WIPF3: variants seen among roughly 807,000 people sequenced by gnomAD.
WIPF3 encodes the protein WAS/WASL interacting protein family member 3, also known as WAS/WASL-interacting protein family member 3.
WIPF3 carries 33 observed loss-of-function variants against 38.9 expected under a neutral mutation model. That is an observed-to-expected ratio of 0.85 (90% confidence interval 0.64 to 1.14). WIPF3 has a LOEUF of 1.14. WIPF3 is among the 50% of genes most tolerant of loss of function. The pLI is 0.00. For missense variants in WIPF3, 711 were observed against 652.5 expected, an observed-to-expected ratio of 1.09 and a Z score of -0.98; for synonymous variants, 324 against 269.3, an observed-to-expected ratio of 1.20 and a Z score of -1.99.
At chr7:29,817,585 C>G (rs557434160) in intron 1 of WIPF3, among the ~76,000 whole-genome samples, 1 of 152,118 alleles carries the variant, frequency 6.6e-6, no homozygotes, top group African/African-American at 2.4e-5. Context: ...TTACTCAATA[C>G]TTTTTGTTGA....
intron 7 of WIPF3, among the ~76,000 whole-genome samples, chr7:29,900,508 G>A (rs147791975): frequency 7.3e-4 from 111 of 152,272 alleles, no homozygotes; most frequent in African/African-American, 2.6e-3. Flanking sequence ...AGGAGAGGAG[G>A]TTGAGGAAGG....
intron 1 of WIPF3, among the ~76,000 whole-genome samples, chr7:29,816,431 AG>A (rs1784459453): frequency 6.6e-6 from 1 of 152,280 alleles, no homozygotes; most frequent in African/African-American, 2.4e-5. Flanking sequence ...CCTGAGCTCA[AG>A]CCTCAGCCTC....
At chr7:29,831,093 G>A (rs1313478697) in intron 1 of WIPF3, among the ~76,000 whole-genome samples, 2 of 152,246 alleles carry the variant, frequency 1.3e-5, no homozygotes, top group Middle Eastern at 3.4e-3. Context: ...CTATAAACAA[G>A]TGCTCCTCTC....
At chr7:29,891,747 G>A (rs1171560515) in intron 7 of WIPF3, among the ~76,000 whole-genome samples, 1 of 152,192 alleles carries the variant, frequency 6.6e-6, no homozygotes, top group African/African-American at 2.4e-5. Flanking sequence ...CCACCCTCCT[G>A]AGATAGATGA....
At chr7:29,882,500 T>C (rs1348857297) in intron 4 of WIPF3, among the ~76,000 whole-genome samples, 6 of 152,232 alleles carry the variant, frequency 3.9e-5, no homozygotes, top group African/African-American at 1.4e-4. Flanking sequence ...TGTCACATTA[T>C]AGCCAGAGGG....
At chr7:29,833,542 AAAG>A (rs1784754768) in intron 1 of WIPF3, among the ~76,000 whole-genome samples, 1 of 152,252 alleles carries the variant, frequency 6.6e-6, no homozygotes, top group Non-Finnish European at 1.5e-5. Context: ...AAAAAGATAA[AAAG>A]AACTAACATA....
chr7:29,868,129 G>GA (rs1299170396), intron 2 of WIPF3, among the ~76,000 whole-genome samples: 1 of 152,192 alleles, frequency 6.6e-6, no homozygotes, highest in African/African-American at 2.4e-5. Flanking sequence ...TGAGAAAGTG[G>GA]AAAAAATACA....
chr7:29,851,776 C>A (rs1357116021), intron 2 of WIPF3, among the ~76,000 whole-genome samples: 1 of 152,236 alleles, frequency 6.6e-6, no homozygotes, highest in Non-Finnish European at 1.5e-5. Flanking sequence ...TCTTTCACAT[C>A]TGCCTCATCA....
At position 29,844,203 on chromosome 7, in the gene WIPF3, G is replaced by A. The variant is rs1211421808; in HGVS notation, c.90+9389G>A. 2.6e-5 allele frequency among the ~76,000 whole-genome samples: 4 copies of A among 152,184 alleles called. No individual in the cohort carries two copies. The highest frequency in any genetic ancestry group is 1.3e-4 in the Admixed American group (2 of 15,288). ...TCACTGGGTATCTGGGGTGGAAAAGGGTTGGGTGATTTTTATTTTCTTTTT... is the reference window on the plus strand; with the variant it reads ...TCACTGGGTATCTGGGGTGGAAAAGAGTTGGGTGATTTTTATTTTCTTTTT... On this transcript the variant is annotated intron_variant, in intron 2 of 8. Transcript: ENST00000242140. The surrounding 1 kb of genome is among the most constrained non-coding windows in gnomAD (Gnocchi z 4.8).
intron 1 of WIPF3, among the ~76,000 whole-genome samples, chr7:29,829,508 C>T (rs900651255): frequency 6.6e-6 from 1 of 152,090 alleles, no homozygotes; most frequent in African/African-American, 2.4e-5. Flanking sequence ...CGTGAGCCAC[C>T]GTGCCTGAAT....
chr7:29,866,506 AG>A (rs1180186806), intron 2 of WIPF3, among the ~76,000 whole-genome samples: 1 of 152,186 alleles, frequency 6.6e-6, no homozygotes, highest in African/African-American at 2.4e-5. Context: ...TTTACAGTTG[AG>A]GGTATCAGCC....
chr7:29,833,800 G>T (rs905777077), intron 1 of WIPF3, among the ~76,000 whole-genome samples: 4 of 152,108 alleles, frequency 2.6e-5, no homozygotes, highest in Non-Finnish European at 4.4e-5. Context: ...ATTGTTTTTA[G>T]GTTCTTATAT....
Position 29,816,700 on chromosome 7 carries a change from A to G in WIPF3, c.-58+10022A>G, listed in dbSNP as rs537318636. ...ACAATGTGGAGATCATTCCAGGTTC[A>G]TACATACAGGGCTGCCATATTCTTT... On this transcript the variant is annotated intron_variant, in intron 1 of 8. Transcript: ENST00000242140. Among the ~76,000 whole-genome samples the G allele has an allele frequency of 3.9e-5, 6 of 152,266 alleles. No homozygotes were observed. In the East Asian group the frequency reaches 1.2e-3, roughly 29 times the overall value.
chr7:29,894,246 C>A (rs1180422428), intron 7 of WIPF3, among the ~76,000 whole-genome samples: 1 of 152,188 alleles, frequency 6.6e-6, no homozygotes, highest in Non-Finnish European at 1.5e-5. Flanking sequence ...GTGGTGCTCA[C>A]TCGCGTCCTC....
At chr7:29,874,797 G>A (rs1200247647) in intron 2 of WIPF3, among the ~76,000 whole-genome samples, 1 of 152,164 alleles carries the variant, frequency 6.6e-6, no homozygotes, top group East Asian at 1.9e-4. Context: ...AGTGAAGCAG[G>A]TGTATCTCAG....
chr7:29,864,115 T>G (rs1275725193), intron 2 of WIPF3, among the ~76,000 whole-genome samples: 1 of 152,206 alleles, frequency 6.6e-6, no homozygotes, highest in Non-Finnish European at 1.5e-5. Flanking sequence ...GTTCCTGATC[T>G]TGGGAGAAAA....
intron 2 of WIPF3, among the ~76,000 whole-genome samples, chr7:29,851,086 C>T (rs559822254): frequency 1.3e-5 from 2 of 152,282 alleles, no homozygotes; most frequent in South Asian, 2.1e-4. Context: ...CACTGAGTTT[C>T]GCACTGTCCT....
intron 1 of WIPF3, among the ~76,000 whole-genome samples, chr7:29,828,965 T>C (rs1784671734): frequency 6.6e-6 from 1 of 152,184 alleles, no homozygotes; most frequent in African/African-American, 2.4e-5. Context: ...CATGGCAGCC[T>C]TTTCCTCTTC....
At chr7:29,866,542 A>G (rs1051409997) in intron 2 of WIPF3, among the ~76,000 whole-genome samples, 1 of 152,204 alleles carries the variant, frequency 6.6e-6, no homozygotes, top group East Asian at 1.9e-4. Context: ...TACTCTGTGC[A>G]CTTTCCATTT....
Sources: gnomAD v4.1 joint callset for allele counts (sites outside exome capture counted in the v4.1 genomes callset) on GRCh38, gnomAD v4.1.1 for gene constraint, Gnocchi (gnomAD v3.1) non-coding constraint, MANE v1.5 for transcripts, NCBI Gene and HGNC (gene_info 2026-07-23, HGNC 2026-07-21) for gene names.